Variants in TAS2R1 observed in about 807,000 individuals in gnomAD.
TAS2R1 encodes taste 2 receptor member 1.
For missense variants in TAS2R1, 370 were observed against 353.4 expected (o/e 1.05, Z -0.38); for synonymous variants, 141 against 134.2 (o/e 1.05, Z -0.35).
At chr5:9,705,408 C>A (rs1285600137) in intron 1 of TAS2R1, among the ~76,000 whole-genome samples, 4 of 152,180 alleles carry the variant, frequency 2.6e-5, no homozygotes, top group Non-Finnish European at 5.9e-5. Context: ...AAAGAAGTCA[C>A]ACTGCTTCAG....
chr5:9,768,251 A>G, the TAS2R1 span, among the ~76,000 whole-genome samples: 1 of 152,158 alleles, frequency 6.6e-6, no homozygotes, highest in Non-Finnish European at 1.5e-5. Context: ...GCCCAGGTTC[A>G]CCAGCTAAAA....
intron 1 of TAS2R1, among the ~76,000 whole-genome samples, chr5:9,683,407 C>T (rs903116736): frequency 2.6e-5 from 4 of 152,172 alleles, no homozygotes; most frequent in African/African-American, 7.2e-5. Flanking sequence ...TTATCAACTA[C>T]CATAATTTTG....
At chr5:9,686,369 T>C (rs911547124) in intron 1 of TAS2R1, among the ~76,000 whole-genome samples, 1 of 152,194 alleles carries the variant, frequency 6.6e-6, no homozygotes, top group Admixed American at 6.5e-5. Flanking sequence ...AATATTGGTC[T>C]AGCAATAAGA....
the TAS2R1 span, among the ~76,000 whole-genome samples, chr5:9,783,027 C>T: frequency 2.6e-5 from 4 of 152,188 alleles, no homozygotes; most frequent in African/African-American, 4.8e-5. Flanking sequence ...TTGCAGACAT[C>T]GCTGTCCTTG....
the TAS2R1 span, among the ~76,000 whole-genome samples, chr5:9,792,529 T>C: frequency 6.6e-6 from 1 of 152,196 alleles, no homozygotes; most frequent in Non-Finnish European, 1.5e-5. Flanking sequence ...AAAAATTACT[T>C]GCACGGCAGC....
chr5:9,701,155 G>A (rs1741471521), intron 1 of TAS2R1, among the ~76,000 whole-genome samples: 1 of 151,356 alleles, frequency 6.6e-6, no homozygotes. Context: ...TGTGTGTGGA[G>A]AAGGGGAGAC....
the TAS2R1 span, among the ~76,000 whole-genome samples, chr5:9,782,974 G>C: frequency 6.6e-6 from 1 of 152,164 alleles, no homozygotes; most frequent in African/African-American, 2.4e-5. Context: ...TGGCTCTTTA[G>C]TGGGTGTTGC....
chr5:9,677,026 C>T (rs1163072549), intron 1 of TAS2R1, among the ~76,000 whole-genome samples: 1 of 152,076 alleles, frequency 6.6e-6, no homozygotes, highest in East Asian at 1.9e-4. Context: ...CAGTGATAGA[C>T]TGGATAAAGA....
At chr5:9,812,791 G>C in the TAS2R1 span, among the ~76,000 whole-genome samples, 1 of 152,194 alleles carries the variant, frequency 6.6e-6, no homozygotes, top group Admixed American at 6.5e-5. Flanking sequence ...GTGAAAGCAA[G>C]CCATGTGGAC....
At chr5:9,642,881 G>T (rs1235416174) in intron 2 of TAS2R1, among the ~76,000 whole-genome samples, 1 of 152,098 alleles carries the variant, frequency 6.6e-6, no homozygotes, top group Non-Finnish European at 1.5e-5. Context: ...TCACGATTTT[G>T]TCTTCAGCTC....
chr5:9,694,976 CT>C (rs1360535851), intron 1 of TAS2R1, among the ~76,000 whole-genome samples: 1 of 152,154 alleles, frequency 6.6e-6, no homozygotes, highest in African/African-American at 2.4e-5. Context: ...ATCCTTTCTC[CT>C]TCCAGTTCAT....
chr5:9,786,552 C>A, the TAS2R1 span, among the ~76,000 whole-genome samples: 2 of 152,258 alleles, frequency 1.3e-5, no homozygotes, highest in African/African-American at 2.4e-5. Context: ...GTATTCTAAA[C>A]ACCTAGGAAC....
intron 1 of TAS2R1, among the ~76,000 whole-genome samples, chr5:9,697,359 A>G (rs1741382026): frequency 6.6e-6 from 1 of 152,198 alleles, no homozygotes; most frequent in Non-Finnish European, 1.5e-5. Flanking sequence ...ACCTCCAAAG[A>G]AAGAATTAGT....
chr5:9,648,869 G>A lies in TAS2R1; in HGVS notation c.-81+10552C>T, dbSNP rs148116329. ...CAGGGTCGGTGCCCAGGCATCCTTCGAGAAGCTCTGTCTCCAACTTTTCTC... is the reference window on the plus strand; with the variant it reads ...CAGGGTCGGTGCCCAGGCATCCTTCAAGAAGCTCTGTCTCCAACTTTTCTC... On this transcript the variant is annotated intron_variant, in intron 2 of 2. Coordinates refer to the TAS2R1 transcript ENST00000506620. Among the ~76,000 whole-genome samples, 147 of 152,184 alleles carry A rather than the reference G, an allele frequency of 9.7e-4. 1 individual carries two copies. The highest frequency in any genetic ancestry group is 3.1e-3 in the African/African-American group (128 of 41,538).
At chr5:9,722,905 G>A in the TAS2R1 span, among the ~76,000 whole-genome samples, 1 of 152,210 alleles carries the variant, frequency 6.6e-6, no homozygotes, top group African/African-American at 2.4e-5. Context: ...CATGGAAGTG[G>A]TCATTTAGGC....
chr5:9,898,985 T>G, the TAS2R1 span, among the ~76,000 whole-genome samples: 1 of 152,236 alleles, frequency 6.6e-6, no homozygotes, highest in Admixed American at 6.5e-5. Context: ...CTGCGAATTC[T>G]TGTTGGCTAT....
chr5:9,877,102 G>A, the TAS2R1 span, among the ~76,000 whole-genome samples: 11 of 152,284 alleles, frequency 7.2e-5, no homozygotes, highest in East Asian at 1.9e-4. Flanking sequence ...CTTCTGATTC[G>A]TGTATGATTA....
chr5:9,865,259 T>C, the TAS2R1 span, among the ~76,000 whole-genome samples: 1 of 152,194 alleles, frequency 6.6e-6, no homozygotes, highest in Non-Finnish European at 1.5e-5. Flanking sequence ...ATTCTAGTGA[T>C]ATCCAGGATG....
intron 1 of TAS2R1, among the ~76,000 whole-genome samples, chr5:9,696,141 A>C (rs1741350715): frequency 6.6e-6 from 1 of 152,220 alleles, no homozygotes; most frequent in African/African-American, 2.4e-5. Flanking sequence ...TTCAAAAAAA[A>C]ATTTTAGTAT....
Sources: gnomAD v4.1 joint callset for allele counts (sites outside exome capture counted in the v4.1 genomes callset) on GRCh38, gnomAD v4.1.1 for gene constraint, MANE v1.5 for transcripts, NCBI Gene and HGNC (gene_info 2026-07-23, HGNC 2026-07-21) for gene names.